MED17: variants seen among roughly 807,000 people sequenced by gnomAD.
MED17 encodes the protein mediator complex subunit 17, also known as mediator of RNA polymerase II transcription subunit 17.
Under a neutral mutation model 80.8 loss-of-function variants are expected in MED17, and 49 were observed. The ratio of observed to expected loss-of-function variants is 0.61; its 90% CI spans 0.48 to 0.77. MED17 has a LOEUF of 0.77. MED17 is among the 30% of genes least tolerant of loss of function. MED17 has a pLI of 0.00. For missense variants in MED17, 718 were observed against 787.0 expected, an observed-to-expected ratio of 0.91 and a Z score of 1.05; for synonymous variants, 281 against 280.4, an observed-to-expected ratio of 1.00 and a Z score of -0.02.
chr11:93,788,268 T>G, intron 2 of MED17, 101 bp downstream of exon 2: 1 of 992,750 alleles, frequency 1.0e-6, no homozygotes, highest in Non-Finnish European at 1.5e-6. Context: ...TCTTGCAAAA[T>G]TAAGTCCAGA....
chr11:93,790,547 A>G, intron 2 of MED17, 27 bp from the exon 3 acceptor site: 1 of 1,586,458 alleles, frequency 6.3e-7, no homozygotes, highest in Non-Finnish European at 8.6e-7. Context: ...ATCCTGCAGA[A>G]CTGCATGTTT....
Position 93,793,838 on chromosome 11 carries a change from G to C in MED17, c.748G>C (p.Asp250His). 6.2e-7 allele frequency: 1 copy of C among 1,613,236 alleles called. No homozygotes were observed. Among genetic ancestry groups the C allele is most frequent in the Non-Finnish European group, 8.5e-7 (1 of 1,179,314 alleles). Residue 250 changes from aspartate to histidine, a missense_variant, in exon 4 of 12, where the codon GAT becomes CAT. Asp to His is a moderately conservative substitution (Grantham distance 81, BLOSUM62 -1). Coordinates refer to ENST00000251871, the MANE Select transcript of MED17 (RefSeq NM_004268.5). ...TCCTCTTGATGTCCAAATTCCTAGT[G>C]ATTTAGAGGGGTCTGCATATATCAA... ...YCPLDVQIPS[D>H]LEGSAYIKVS... is the part of the protein sequence containing the mutation.
chr11:93,807,336 T>G (rs1944036732), intron 9 of MED17, 182 bp from the exon 10 acceptor site: 2 of 549,064 alleles, frequency 3.6e-6, no homozygotes, highest in Non-Finnish European at 6.5e-6. Context: ...TCTCTTGAAC[T>G]CAGGAAGCGG....
chr11:93,786,773 C>G (rs1205470610), intron 1 of MED17, among the ~76,000 whole-genome samples: 3 of 152,052 alleles, frequency 2.0e-5, no homozygotes, highest in African/African-American at 4.8e-5. Flanking sequence ...CCAGCCGAAA[C>G]TTTTAAATGT....
In MED17 at chr11:93,793,811, T is replaced by C; in HGVS notation, c.721T>C (p.Cys241Arg). The C allele has an allele frequency of 6.2e-7, 1 of 1,610,022 alleles. No homozygotes were observed. The change falls in exon 4 of 12, where the codon TGT becomes CGT. Residue 241 changes from cysteine (C) to arginine (R), a missense_variant. Cys to Arg is a radical substitution (Grantham distance 180). Transcript: ENST00000251871. ...DLDKKIPEDY[C>R]PLDVQIPSDL... ...GGATAAAAAGATACCTGAAGATTAC[T>C]GTCCTCTTGATGTCCAAATTCCTAG...
At position 93,809,546 on chromosome 11, in the gene MED17, G is replaced by T. The variant is rs1007111622; in HGVS notation, c.1585-171G>T. On this transcript the variant is annotated intron_variant, in intron 10 of 11. Coordinates refer to ENST00000251871, the MANE Select transcript of MED17 (RefSeq NM_004268.5). ...ACTTTAGCTTTGGCAGTGGAAGGTG[G>T]AGTCCTATTCCCTCCCCCTAAGTTA... 4.8e-5 allele frequency: 33 copies of T among 689,514 alleles called. No homozygotes were observed. The Admixed American group carries it at 6.9e-4, about 14-fold the overall frequency. The allele number at this position is 689,514 out of a possible 1,614,324, so 42.7% of individuals were successfully genotyped here. A position where few individuals can be genotyped will look rare whatever the true frequency, so the allele number is the denominator to read the frequency against.
At chr11:93,809,333 A>C in intron 10 of MED17, 1 of 327,886 alleles carries the variant, frequency 3.0e-6, no homozygotes, top group African/African-American at 2.1e-5. Context: ...AAGCCAGAGG[A>C]TGTAAGAAGG....
intron 1 of MED17, 175 bp downstream of exon 1, chr11:93,784,938 G>T: frequency 1.1e-6 from 1 of 925,000 alleles, no homozygotes; most frequent in East Asian, 2.7e-5. Flanking sequence ...GACAAGGTAG[G>T]ACACGACTTT....
In MED17 at chr11:93,805,392, G is replaced by C. The variant is rs59270926; in HGVS notation, c.1467-2126G>C. Reference sequence around the variant, plus strand: ...GAGGCCAGGAGTTCAAGCCCAGCCTGGCCAACATGATGAAACCCTGTCCCT... The same window carrying C: ...GAGGCCAGGAGTTCAAGCCCAGCCTCGCCAACATGATGAAACCCTGTCCCT... On this transcript the variant is annotated intron_variant, in intron 9 of 11. Coordinates refer to ENST00000251871, the MANE Select transcript of MED17 (RefSeq NM_004268.5). Among the ~76,000 whole-genome samples the C allele has an allele frequency of 4.4e-3, 671 of 152,242 alleles. 8 individuals carry two copies. Among genetic ancestry groups the C allele is most frequent in the African/African-American group, 0.015 (623 of 41,540 alleles).
intron 5 of MED17, 124 bp downstream of exon 5, chr11:93,794,159 T>C: frequency 1.3e-6 from 1 of 761,124 alleles, no homozygotes; most frequent in Non-Finnish European, 2.2e-6. Context: ...AAAATATACT[T>C]CTAAAATTTA....
At chr11:93,803,486 A>G (rs1943983879) in intron 9 of MED17, among the ~76,000 whole-genome samples, 2 of 152,164 alleles carry the variant, frequency 1.3e-5, no homozygotes, top group African/African-American at 4.8e-5. Context: ...TAAAGAAAGA[A>G]TAAAATAATT....
In MED17 at chr11:93,793,957, A is replaced by G. The variant is rs768254320; in HGVS notation, c.781A>G (p.Ile261Val). ...LEGSAYIKVS[I>V]QKQAPDIGDL... ...TGTTTTTGTTGTCATATAGGTTTCA[A>G]TACAAAAACAGGCTCCAGATATAGG... Residue 261 changes from isoleucine (I) to valine (V), a missense_variant, in exon 5 of 12, where the codon ATA becomes GTA. By Grantham distance (29) the Ile-to-Val change is conservative (BLOSUM62 3). Coordinates refer to ENST00000251871, the MANE Select transcript of MED17 (RefSeq NM_004268.5). 5.6e-6 allele frequency: 9 copies of G among 1,613,898 alleles called. No individual in the cohort carries two copies. Among genetic ancestry groups the G allele is most frequent in the African/African-American group, 1.3e-5 (1 of 74,918 alleles).
Position 93,812,658 on chromosome 11 carries a change from C to T in MED17, c.*594C>T, listed in dbSNP as rs963533319. 1.9e-5 allele frequency: 3 copies of T among 155,116 alleles called. No individual in the cohort carries two copies. The highest frequency in any genetic ancestry group is 3.4e-3 in the Middle Eastern group (1 of 294). 9.6% of individuals were successfully genotyped at this position (155,116 alleles called of 1,614,324 possible). ...TTTTCCATGTTGCCCAGGCTGGTTT[C>T]GAACTCGGCTCAAGTGATCTACCTG... On this transcript the variant is annotated 3_prime_UTR_variant, in exon 12 of 12. Coordinates refer to ENST00000251871, the MANE Select transcript of MED17 (RefSeq NM_004268.5).
At position 93,796,621 on chromosome 11, in the gene MED17, T is replaced by C. The variant is rs1591386167; in HGVS notation, c.1143+81T>C. On this transcript the variant is annotated intron_variant, in intron 7 of 11. Coordinates refer to ENST00000251871, the MANE Select transcript of MED17 (RefSeq NM_004268.5). Reference sequence around the variant, plus strand: ...TATGCACAAAGCTCCTCTCGTCTGCTGAGTCTTGATTATTCACATAGCAAC... The same window carrying C: ...TATGCACAAAGCTCCTCTCGTCTGCCGAGTCTTGATTATTCACATAGCAAC... 4 of 1,482,098 alleles carry C rather than the reference T, an allele frequency of 2.7e-6. No homozygotes were observed. In the East Asian group the frequency reaches 6.8e-5, roughly 25 times the overall value. The allele number at this position is 1,482,098 out of a possible 1,614,324, so 91.8% of individuals were successfully genotyped here. A position where few individuals can be genotyped will look rare whatever the true frequency, so the allele number is the denominator to read the frequency against.
intron 10 of MED17, chr11:93,808,329 A>G (rs1417269800): frequency 6.9e-6 from 1 of 145,658 alleles, no homozygotes; most frequent in Non-Finnish European, 1.5e-5. Flanking sequence ...GTCCCACTGT[A>G]CTTCAGCCCA....
intron 9 of MED17, among the ~76,000 whole-genome samples, chr11:93,805,465 C>T (rs1253942182): frequency 6.6e-6 from 1 of 152,082 alleles, no homozygotes; most frequent in Non-Finnish European, 1.5e-5. Flanking sequence ...CCTGTAGTCC[C>T]AGCTACTTGG....
Position 93,812,088 on chromosome 11 carries a change from A to G in MED17, c.*24A>G. ...GATTTTTTCCAGATGTTTCCTAAAGAAGTTTCCAGAAACTTTGACTTGAAA... is the reference window on the plus strand; with the variant it reads ...GATTTTTTCCAGATGTTTCCTAAAGGAGTTTCCAGAAACTTTGACTTGAAA... On this transcript the variant is annotated 3_prime_UTR_variant, in exon 12 of 12. Coordinates refer to ENST00000251871, the MANE Select transcript of MED17 (RefSeq NM_004268.5). The G allele has an allele frequency of 6.2e-7, 1 of 1,600,834 alleles. No individual in the cohort carries two copies. Among genetic ancestry groups the G allele is most frequent in the Non-Finnish European group, 8.6e-7 (1 of 1,168,066 alleles).
At chr11:93,797,381 C>A in intron 7 of MED17, 154 bp from the exon 8 acceptor site, 1 of 705,748 alleles carries the variant, frequency 1.4e-6, no homozygotes, top group Non-Finnish European at 2.5e-6. Context: ...TATGTGTGAC[C>A]TAGTAGTTGC....
At chr11:93,794,565 A>G (rs1203847325) in intron 5 of MED17, 4 of 280,874 alleles carry the variant, frequency 1.4e-5, no homozygotes, top group Non-Finnish European at 2.7e-5. Flanking sequence ...TATATTTTGG[A>G]AAGAATATAG....
Sources: allele counts gnomAD v4.1 joint callset (sites outside exome capture counted in the v4.1 genomes callset), GRCh38; gene constraint gnomAD v4.1.1; transcripts MANE v1.5; gene names NCBI Gene and HGNC (gene_info 2026-07-23, HGNC 2026-07-21).